DNAH6: variants seen among roughly 807,000 people sequenced by gnomAD.
DNAH6 encodes the protein axonemal beta dynein heavy chain 6.
A neutral mutation model predicts 491.4 loss-of-function variants in DNAH6; 340 were observed. That is an observed-to-expected ratio of 0.69 (90% CI 0.63 to 0.76). The LOEUF is 0.76. Ranked by LOEUF, DNAH6 falls within the 30% of genes least tolerant of loss-of-function variation. The probability of loss-of-function intolerance (pLI) is 0.00; values close to 1 mark genes in which losing one functional copy is unlikely to be tolerated. For missense variants in DNAH6, 4,443 were observed against 4,972.2 expected (o/e 0.89, Z 3.20); for synonymous variants, 1,603 against 1,686.1 (o/e 0.95, Z 1.21).
intron 54 of DNAH6, among the ~76,000 whole-genome samples, chr2:84,708,849 G>A (rs879669840): frequency 1.3e-5 from 2 of 152,152 alleles, no homozygotes; most frequent in Non-Finnish European, 2.9e-5. Context: ...CTCTTAGGGT[G>A]CCATGTTTCT....
intron 64 of DNAH6, among the ~76,000 whole-genome samples, chr2:84,767,823 A>G (rs1041150712): frequency 6.6e-6 from 1 of 152,144 alleles, no homozygotes; most frequent in Non-Finnish European, 1.5e-5. Context: ...AACCCCAAGC[A>G]TAATAAATGC....
intron 15 of DNAH6, among the ~76,000 whole-genome samples, chr2:84,588,235 C>CT (rs1182021209): frequency 6.6e-6 from 1 of 152,210 alleles, no homozygotes; most frequent in African/African-American, 2.4e-5. Flanking sequence ...AAGACTTGGA[C>CT]TAACTAGCCT....
rs1378772397 is a variant in DNAH6 at position 84,543,460 on chromosome 2, A to T, written c.663-773A>T. ...TAAATATATTTCAATAAGGTGCTAT[A>T]TCATATTTCACACTTGTTCTATTAC... is the stretch of plus-strand genomic sequence containing the variant. On this transcript the variant is annotated intron_variant, in intron 4 of 76. Coordinates refer to ENST00000389394, the MANE Select transcript of DNAH6 (RefSeq NM_001370.2). Among the ~76,000 whole-genome samples, 4 of 152,344 alleles carry T rather than the reference A, an allele frequency of 2.6e-5. No individual in the cohort carries two copies. The East Asian group carries it at 5.8e-4, about 22-fold the overall frequency.
At chr2:84,807,680 C>A (rs148148816) in intron 71 of DNAH6, among the ~76,000 whole-genome samples, 1 of 152,140 alleles carries the variant, frequency 6.6e-6, no homozygotes, top group Non-Finnish European at 1.5e-5. Context: ...GCCAGGCAAC[C>A]GCTTCATCCT....
intron 37 of DNAH6, 30 bp from the exon 38 acceptor site, chr2:84,669,259 T>C (rs1692478668): frequency 6.7e-7 from 1 of 1,494,786 alleles, no homozygotes; most frequent in East Asian, 2.5e-5. Context: ...TTATTCCCTA[T>C]TGAAAGTGGT....
intron 68 of DNAH6, among the ~76,000 whole-genome samples, chr2:84,789,912 T>C (rs919326246): frequency 3.5e-4 from 53 of 152,178 alleles, no homozygotes; most frequent in African/African-American, 1.3e-3. Context: ...CTTCGGTTAA[T>C]ATAAAAAAAG....
At chr2:84,525,777 ATTTTG>A in intron 3 of DNAH6, 39 bp downstream of exon 3, 2 of 1,461,796 alleles carry the variant, frequency 1.4e-6, no homozygotes, top group African/African-American at 1.4e-5. Context: ...TTTTAACTTA[ATTTTG>A]TTTTGTATAG....
intron 11 of DNAH6, among the ~76,000 whole-genome samples, chr2:84,566,597 T>C (rs1681218651): frequency 6.6e-6 from 1 of 152,030 alleles, no homozygotes; most frequent in Admixed American, 6.5e-5. Flanking sequence ...ATTTTTTTTC[T>C]CTCTAGGTTA....
At chr2:84,780,748 T>C (rs192445002) in intron 64 of DNAH6, among the ~76,000 whole-genome samples, 29 of 152,126 alleles carry the variant, frequency 1.9e-4, no homozygotes, top group Admixed American at 3.3e-4. Context: ...CTAGTGTTTA[T>C]CATTTTCAAG....
Position 84,670,482 on chromosome 2 carries a change from A to C in DNAH6, c.6454+7A>C. 6.7e-7 allele frequency: 1 copy of C among 1,499,820 alleles called. No homozygotes were observed. The highest frequency in any genetic ancestry group is 2.2e-5 in the Admixed American group (1 of 45,394). 92.9% of individuals were successfully genotyped at this position (1,499,820 alleles called of 1,614,324 possible). ...AAAAGAAAAAATATTCTAGGTAAGAATCATTATTTTAGTTTGTCCCACACA... is the reference window on the plus strand; with the variant it reads ...AAAAGAAAAAATATTCTAGGTAAGACTCATTATTTTAGTTTGTCCCACACA... On this transcript the variant is annotated splice_region_variant and intron_variant, in intron 39 of 76. Coordinates refer to ENST00000389394, the MANE Select transcript of DNAH6 (RefSeq NM_001370.2).
chr2:84,645,364 A>T (rs1689794729), intron 33 of DNAH6, among the ~76,000 whole-genome samples: 2 of 152,228 alleles, frequency 1.3e-5, no homozygotes, highest in South Asian at 4.1e-4. Flanking sequence ...GGTTGCAGTA[A>T]GCCGAGATTG....
chr2:84,550,176 C>A, intron 9 of DNAH6, 119 bp downstream of exon 9: 2 of 807,892 alleles, frequency 2.5e-6, no homozygotes, highest in Non-Finnish European at 3.7e-6. Context: ...ATGCATAGAG[C>A]AGCGGCCCCC....
At chr2:84,469,778 ACAG>A in the DNAH6 span, among the ~76,000 whole-genome samples, 21 of 152,156 alleles carry the variant, frequency 1.4e-4, no homozygotes, top group African/African-American at 5.1e-4. The surrounding 1 kb of genome is among the most constrained non-coding windows in gnomAD (Gnocchi z 4.0). Context: ...CCCACAGCCA[ACAG>A]CAAAGCATGC....
At chr2:84,751,878 G>A (rs183147203) in intron 63 of DNAH6, among the ~76,000 whole-genome samples, 5 of 152,342 alleles carry the variant, frequency 3.3e-5, no homozygotes, top group African/African-American at 4.8e-5. Context: ...AAGTTACCAC[G>A]TGATGCTAAT....
At chr2:84,592,718 A>G (rs1029214849) in intron 16 of DNAH6, among the ~76,000 whole-genome samples, 10 of 152,168 alleles carry the variant, frequency 6.6e-5, no homozygotes, top group African/African-American at 2.2e-4. Context: ...TAAAGAAAAT[A>G]TGGTATCTAC....
In DNAH6 at chr2:84,517,880, T is replaced by C. The variant is rs760995763; in HGVS notation, c.54T>C (p.Tyr18=). The change falls in exon 2 of 77, where the codon TAT becomes TAC. Residue 18 remains tyrosine (Y), a synonymous_variant. Coordinates refer to ENST00000389394, the MANE Select transcript of DNAH6 (RefSeq NM_001370.2). The part of the protein sequence containing the change: ...SEFDLTNIEE[Y]AENSALSRLN... ...TTGACCTGACAAATATTGAAGAGTA[T>C]GCCGAAAATTCTGCACTTTCAAGAC... 1 of 1,551,808 alleles carries C rather than the reference T, an allele frequency of 6.4e-7. No individual in the cohort carries two copies. Among genetic ancestry groups the C allele is most frequent in the South Asian group, 1.2e-5 (1 of 84,058 alleles).
chr2:84,633,620 C>T (rs182320356), intron 29 of DNAH6, among the ~76,000 whole-genome samples: 1 of 151,818 alleles, frequency 6.6e-6, no homozygotes, highest in Admixed American at 6.6e-5. Context: ...GGCATTACTC[C>T]TCTCCCTCTG....
chr2:84,527,224 C>T lies in DNAH6; in HGVS notation c.399+1486C>T, dbSNP rs535995018. ...GAAGAAATTGACTTATCGAATCAGA[C>T]GGGGCATCCATCAGGGAGGAGTACT... is the stretch of plus-strand genomic sequence containing the variant. On this transcript the variant is annotated intron_variant, in intron 3 of 76. Coordinates refer to ENST00000389394, the MANE Select transcript of DNAH6 (RefSeq NM_001370.2). 5.3e-5 allele frequency among the ~76,000 whole-genome samples: 8 copies of T among 152,170 alleles called. 1 individual carries two copies. In the South Asian group the frequency reaches 1.2e-3, roughly 24 times the overall value.
chr2:84,633,839 G>A (rs114040367), intron 29 of DNAH6, among the ~76,000 whole-genome samples: 5,400 of 152,098 alleles, frequency 0.036, 141 homozygotes, highest in Non-Finnish European at 0.053. Flanking sequence ...TGTGGGAATC[G>A]GAGGAAGGGG....
Sources: allele counts gnomAD v4.1 joint callset (sites outside exome capture counted in the v4.1 genomes callset), GRCh38; gene constraint gnomAD v4.1.1; non-coding constraint Gnocchi (gnomAD v3.1); transcripts MANE v1.5; gene names NCBI Gene and HGNC (gene_info 2026-07-23, HGNC 2026-07-21).